The following CREB3L2 variants were observed in gnomAD, a reference collection of about 807,000 sequenced individuals.
CREB3L2 encodes cAMP responsive element binding protein 3 like 2.
CREB3L2 carries 23 observed loss-of-function variants against 57.2 expected under a neutral mutation model. The ratio of observed to expected loss-of-function variants is 0.40; its 90% CI spans 0.29 to 0.57. CREB3L2 has a LOEUF of 0.57. Ranked by LOEUF, CREB3L2 falls within the 20% of genes least tolerant of loss-of-function variation. The pLI, the probability that CREB3L2 is intolerant of heterozygous loss-of-function variation, is 0.42. For missense variants in CREB3L2, 628 were observed against 634.7 expected (o/e 0.99, Z 0.11); for synonymous variants, 268 against 265.1 (o/e 1.01, Z -0.11).
At chr7:137,912,003 T>A (rs1203924315) in intron 4 of CREB3L2, among the ~76,000 whole-genome samples, 2 of 152,100 alleles carry the variant, frequency 1.3e-5, no homozygotes, top group East Asian at 3.9e-4. Context: ...CATCCAGGAT[T>A]CCTAACTATG....
At chr7:137,936,943 C>T (rs2117252960) in intron 1 of CREB3L2, among the ~76,000 whole-genome samples, 1 of 152,292 alleles carries the variant, frequency 6.6e-6, no homozygotes, top group Middle Eastern at 3.4e-3. Context: ...TAGATTTGCC[C>T]CTGTAATGCC....
rs1232074264 is a variant in CREB3L2 at position 137,908,432 on chromosome 7, T to C, written c.588A>G (p.Pro196=). Residue 196 remains proline (P), a synonymous_variant, in exon 5 of 12, where the codon CCA becomes CCG. Transcript: ENST00000330387. ...QFLNFSPKEA[P]VDHLHLPPTP... Reference sequence around the variant, plus strand: ...TGGGCGGCAAATGCAGGTGGTCCACTGGGGCTGCAAAAAAGGAAGCACATC... The same window carrying C: ...TGGGCGGCAAATGCAGGTGGTCCACCGGGGCTGCAAAAAAGGAAGCACATC... The C allele has an allele frequency of 3.4e-5, 43 of 1,263,240 alleles. No individual in the cohort carries two copies. The highest frequency in any genetic ancestry group is 4.1e-5 in the Non-Finnish European group (41 of 996,712). 78.3% of individuals were successfully genotyped at this position (1,263,240 alleles called of 1,614,324 possible).
chr7:137,887,680 G>A (rs763560008), intron 8 of CREB3L2, among the ~76,000 whole-genome samples: 11 of 151,742 alleles, frequency 7.2e-5, no homozygotes, highest in South Asian at 2.1e-4. Context: ...TTGCACTCCA[G>A]CCCAGGCAAC....
At chr7:137,889,701 G>A (rs1016559884) in intron 8 of CREB3L2, among the ~76,000 whole-genome samples, 20 of 152,122 alleles carry the variant, frequency 1.3e-4, no homozygotes, top group African/African-American at 4.1e-4. Context: ...GAGGCATTTC[G>A]CTCAGTCATC....
chr7:137,994,251 C>T (rs1321505563), intron 1 of CREB3L2, among the ~76,000 whole-genome samples: 2 of 152,208 alleles, frequency 1.3e-5, no homozygotes, highest in Admixed American at 6.5e-5. Flanking sequence ...CAGCGTAGAG[C>T]CATGTCAGGC....
chr7:137,887,938 C>A (rs1407257387), intron 8 of CREB3L2, among the ~76,000 whole-genome samples: 1 of 151,942 alleles, frequency 6.6e-6, no homozygotes. Flanking sequence ...TAAATGTATT[C>A]AGGTACAATT....
chr7:137,886,622 C>T (rs184054760), intron 8 of CREB3L2, among the ~76,000 whole-genome samples: 11 of 152,244 alleles, frequency 7.2e-5, no homozygotes, highest in Admixed American at 7.2e-4. Context: ...AACAAAGATG[C>T]CTGCTCAACT....
intron 8 of CREB3L2, among the ~76,000 whole-genome samples, chr7:137,891,647 C>A (rs952758556): frequency 2.6e-5 from 4 of 152,022 alleles, no homozygotes; most frequent in Non-Finnish European, 5.9e-5. Flanking sequence ...GTGATCCAGG[C>A]TCACTGCAAC....
Position 137,916,019 on chromosome 7 carries a change from G to C in CREB3L2, c.320-7C>G. The stretch of plus-strand genomic sequence containing the variant: ...TTCTCACTTTCCACCTCATCTGCAG[G>C]AAAAAAGACAAGCACACATGTGAAC... On this transcript the variant is annotated splice_region_variant and splice_polypyrimidine_tract_variant and intron_variant, in intron 2 of 11. Coordinates refer to ENST00000330387, the MANE Select transcript of CREB3L2 (RefSeq NM_194071.4). The C allele has an allele frequency of 6.2e-7, 1 of 1,601,354 alleles. No homozygotes were observed. The highest frequency in any genetic ancestry group is 8.5e-7 in the Non-Finnish European group (1 of 1,174,620).
chr7:137,953,380 A>C, intron 1 of CREB3L2: 1 of 889,302 alleles, frequency 1.1e-6, no homozygotes, highest in African/African-American at 1.7e-5. Flanking sequence ...GAGCCTTCTA[A>C]CTTCTCTGCA....
Position 137,903,828 on chromosome 7 carries a change from C to T in CREB3L2, c.974+131G>A, listed in dbSNP as rs1799821313. ...TAACCACTAGGTGGCAGGCAAACCA[C>T]AGCTGATAAACCACCGGGTTTCCAA... is the stretch of plus-strand genomic sequence containing the variant. On this transcript the variant is annotated intron_variant, in intron 7 of 11. Coordinates refer to ENST00000330387, the MANE Select transcript of CREB3L2 (RefSeq NM_194071.4). 5.3e-6 allele frequency: 4 copies of T among 755,100 alleles called. No individual in the cohort carries two copies. The South Asian group carries it at 6.6e-5, about 12-fold the overall frequency. 46.8% of individuals were successfully genotyped at this position (755,100 alleles called of 1,614,324 possible). A position where few individuals can be genotyped will look rare whatever the true frequency, so the allele number is the denominator to read the frequency against.
At chr7:137,956,455 A>C in intron 1 of CREB3L2, 1 of 408,544 alleles carries the variant, frequency 2.4e-6, no homozygotes, top group Non-Finnish European at 4.6e-6. Flanking sequence ...GCAAGTTTCC[A>C]GTAATAGAAT....
chr7:137,967,532 C>T (rs1801428923), intron 1 of CREB3L2, among the ~76,000 whole-genome samples: 1 of 152,174 alleles, frequency 6.6e-6, no homozygotes, highest in Admixed American at 6.5e-5. Flanking sequence ...CCAACCCTAG[C>T]TTCTCCCTAA....
intron 8 of CREB3L2, among the ~76,000 whole-genome samples, chr7:137,891,553 C>T (rs1178544837): frequency 1.3e-5 from 2 of 151,408 alleles, no homozygotes; most frequent in Non-Finnish European, 2.9e-5. Flanking sequence ...GGAGCTTCAA[C>T]TTAGGCCCTC....
At chr7:137,911,100 G>A (rs928523827) in intron 4 of CREB3L2, among the ~76,000 whole-genome samples, 10 of 152,208 alleles carry the variant, frequency 6.6e-5, no homozygotes, top group Non-Finnish European at 1.3e-4. Context: ...AGAGTAAGAT[G>A]CATTTGATAG....
chr7:137,985,594 T>C (rs1454461390), intron 1 of CREB3L2, among the ~76,000 whole-genome samples: 2 of 152,088 alleles, frequency 1.3e-5, no homozygotes, highest in South Asian at 2.1e-4. Flanking sequence ...AGAAAGACTA[T>C]TTTCATTAGG....
At chr7:137,989,109 C>CAAT (rs1801839992) in intron 1 of CREB3L2, among the ~76,000 whole-genome samples, 2 of 152,108 alleles carry the variant, frequency 1.3e-5, no homozygotes, top group Admixed American at 1.3e-4. Context: ...AATCTTGTTC[C>CAAT]AAAAAAATCA....
chr7:137,919,435 G>GTGCTGGGA (rs1158560411), intron 2 of CREB3L2, among the ~76,000 whole-genome samples: 1 of 152,128 alleles, frequency 6.6e-6, no homozygotes, highest in African/African-American at 2.4e-5. Flanking sequence ...GCCTCCCAAA[G>GTGCTGGGA]TGCTGGGATT....
At chr7:137,895,647 A>AAAAAAAAAAAAG (rs1481507110) in intron 8 of CREB3L2, among the ~76,000 whole-genome samples, 1 of 151,696 alleles carries the variant, frequency 6.6e-6, no homozygotes, top group African/African-American at 2.4e-5. Flanking sequence ...CAGTACAAAA[A>AAAAAAAAAAAAG]AAAAAAGAAA....
Sources: allele counts gnomAD v4.1 joint callset (sites outside exome capture counted in the v4.1 genomes callset), GRCh38; gene constraint gnomAD v4.1.1; transcripts MANE v1.5; gene names NCBI Gene and HGNC (gene_info 2026-07-23, HGNC 2026-07-21).